The following SEC63 variants were observed in gnomAD, a reference collection of about 807,000 sequenced individuals.
The protein encoded by SEC63 is SEC63 protein translocation regulator, also known as translocation protein SEC63 homolog.
In SEC63, 56 loss-of-function variants were observed where a neutral mutation model predicts 116.2. The ratio of observed to expected loss-of-function variants is 0.48; its 90% confidence interval spans 0.39 to 0.60. The LOEUF is 0.60. SEC63 is among the 20% of genes least tolerant of loss of function. The pLI is 0.00. For missense variants in SEC63, 668 were observed against 900.0 expected, an observed-to-expected ratio of 0.74 and a Z score of 3.30; for synonymous variants, 273 against 294.6, an observed-to-expected ratio of 0.93 and a Z score of 0.75.
rs769938865 is a variant in SEC63, at chr6:107,870,478, G to C, written c.*1226C>G. 1 of 152,486 alleles carries C rather than the reference G, an allele frequency of 6.6e-6. No homozygotes were observed. Among genetic ancestry groups the C allele is most frequent in the Non-Finnish European group, 1.5e-5 (1 of 68,014 alleles). 9.4% of individuals were successfully genotyped at this position (152,486 alleles called of 1,614,324 possible). On this transcript the variant is annotated 3_prime_UTR_variant, in exon 21 of 21. Coordinates refer to ENST00000369002, the MANE Select transcript of SEC63 (RefSeq NM_007214.5). Reference sequence around the variant, plus strand: ...TGATAGGAAAGAATTATTACAATCAGTTTTATAATACTACAGACTTATGTT... The same window carrying C: ...TGATAGGAAAGAATTATTACAATCACTTTTATAATACTACAGACTTATGTT...
chr6:107,919,401 T>A (rs571500219), intron 4 of SEC63, among the ~76,000 whole-genome samples: 8 of 152,370 alleles, frequency 5.3e-5, no homozygotes, highest in African/African-American at 1.9e-4. Context: ...AAGTAGCTTC[T>A]TAAGATGGTA....
intron 1 of SEC63, among the ~76,000 whole-genome samples, chr6:107,936,475 A>G (rs185266908): frequency 6.6e-6 from 1 of 152,326 alleles, no homozygotes; most frequent in Admixed American, 6.5e-5. Flanking sequence ...TCACTTATAA[A>G]CTTCTTGCTT....
rs1479640940 is a variant in SEC63 at position 107,871,714 on chromosome 6, T to G, written c.2273A>C (p.Asp758Ala). 1 of 1,612,554 alleles carries G rather than the reference T, an allele frequency of 6.2e-7. No individual in the cohort carries two copies. Among genetic ancestry groups the G allele is most frequent in the Non-Finnish European group, 8.5e-7 (1 of 1,179,670 alleles). ...CATTCAGAGTACTGCTTAGTCATCA[T>G]CTTCTTCTTCCTCCTCTTCTTCCTC... ...SFEEEEEEEE[D>A]DD The change falls in exon 21 of 21, where the codon GAT becomes GCT. Residue 758 changes from aspartate (D) to alanine (A), a missense_variant. Asp to Ala is a moderately radical substitution (Grantham distance 126). Around this residue, in one of 5 missense-constraint regions of SEC63, gnomAD observed 85 missense variants for 116.3 expected, o/e 0.73. Transcript: ENST00000369002.
chr6:107,927,335 G>T (rs978180534), intron 2 of SEC63, among the ~76,000 whole-genome samples: 1 of 152,124 alleles, frequency 6.6e-6, no homozygotes, highest in Non-Finnish European at 1.5e-5. Context: ...CAAAGTGCTC[G>T]GATTACAGGC....
chr6:107,910,152 C>T (rs1055894862), intron 7 of SEC63, among the ~76,000 whole-genome samples: 2 of 152,094 alleles, frequency 1.3e-5, no homozygotes, highest in African/African-American at 4.8e-5. Context: ...TGCGGGAAGA[C>T]TTTCATTTGA....
At chr6:107,942,534 C>T (rs931254411) in intron 1 of SEC63, among the ~76,000 whole-genome samples, 1 of 152,006 alleles carries the variant, frequency 6.6e-6, no homozygotes, top group South Asian at 2.1e-4. Context: ...AGAAAAAAAA[C>T]AAAACAAAAA....
chr6:107,921,210 C>A (rs576773009), intron 4 of SEC63, among the ~76,000 whole-genome samples: 38 of 151,856 alleles, frequency 2.5e-4, no homozygotes, highest in African/African-American at 8.9e-4. Context: ...AAAAAAAAAT[C>A]TAGAAATGGT....
Position 107,876,675 on chromosome 6 carries a change from A to AC in SEC63, c.1936-14_1936-13insG. 1 of 1,430,862 alleles carries AC rather than the reference A, an allele frequency of 7.0e-7. No individual in the cohort carries two copies. The highest frequency in any genetic ancestry group is 9.6e-7 in the Non-Finnish European group (1 of 1,041,986). 88.6% of individuals were successfully genotyped at this position (1,430,862 alleles called of 1,614,324 possible). On this transcript the variant is annotated splice_polypyrimidine_tract_variant and intron_variant, in intron 18 of 20. Transcript: ENST00000369002. ...ATTCTTGTTTTTCCTGGAAACAAAA[A>AC]AAAAAAAAAAAAAAGAAGAGGGGTA...
intron 2 of SEC63, among the ~76,000 whole-genome samples, chr6:107,925,383 T>C (rs1427552122): frequency 6.6e-6 from 1 of 152,208 alleles, no homozygotes; most frequent in East Asian, 1.9e-4. Flanking sequence ...AGTAAAACTT[T>C]GGAAACAACC....
rs536554088 is a variant in SEC63 at position 107,871,539 on chromosome 6, C to G, written c.*165G>C. 89 of 714,984 alleles carry G rather than the reference C, an allele frequency of 1.2e-4. No individual in the cohort carries two copies. The South Asian group carries it at 1.4e-3, about 11-fold the overall frequency. 44.3% of individuals were successfully genotyped at this position (714,984 alleles called of 1,614,324 possible). On this transcript the variant is annotated 3_prime_UTR_variant, in exon 21 of 21. Coordinates refer to ENST00000369002, the MANE Select transcript of SEC63 (RefSeq NM_007214.5). ...AAGCCTTAACATTTTTCAGGTTGTA[C>G]CAAGGCACCGCCACTGCCTAGTTAT...
At chr6:107,876,735 T>G in intron 18 of SEC63, 73 bp from the exon 19 acceptor site, 6 of 1,037,152 alleles carry the variant, frequency 5.8e-6, no homozygotes, top group Non-Finnish European at 7.3e-6. Context: ...GAATATAATT[T>G]TGGCCTCTCT....
intron 14 of SEC63, among the ~76,000 whole-genome samples, chr6:107,896,335 A>T (rs945899936): frequency 6.6e-6 from 1 of 151,794 alleles, no homozygotes; most frequent in African/African-American, 2.4e-5. Flanking sequence ...GTGGTGGCAC[A>T]TGCCTGTAAT....
At chr6:107,950,372 C>G (rs1223653158) in intron 1 of SEC63, among the ~76,000 whole-genome samples, 1 of 151,338 alleles carries the variant, frequency 6.6e-6, no homozygotes, top group East Asian at 2.0e-4. Context: ...ATGGATAGAA[C>G]AACCAAAAAG....
intron 1 of SEC63, among the ~76,000 whole-genome samples, chr6:107,955,785 CTG>C (rs1332730221): frequency 6.6e-6 from 1 of 152,078 alleles, no homozygotes; most frequent in East Asian, 1.9e-4. Flanking sequence ...ACTGGGGAAG[CTG>C]TGGCAGAACT....
chr6:107,912,080 C>T (rs1274870015), intron 6 of SEC63, among the ~76,000 whole-genome samples: 1 of 152,158 alleles, frequency 6.6e-6, no homozygotes, highest in Non-Finnish European at 1.5e-5. Context: ...AACTTAATAG[C>T]CATTTTCAAA....
chr6:107,947,940 C>T (rs1770509177), intron 1 of SEC63, among the ~76,000 whole-genome samples: 1 of 152,186 alleles, frequency 6.6e-6, no homozygotes, highest in African/African-American at 2.4e-5. Context: ...TTAAAACCTC[C>T]ATTGTTTACC....
intron 16 of SEC63, among the ~76,000 whole-genome samples, chr6:107,887,723 A>G (rs1475281319): frequency 6.6e-6 from 1 of 152,234 alleles, no homozygotes; most frequent in African/African-American, 2.4e-5. Context: ...CAATGTGCAC[A>G]TGTACCCTAA....
intron 4 of SEC63, 112 bp downstream of exon 4, chr6:107,921,685 C>A: frequency 1.3e-6 from 1 of 763,924 alleles, no homozygotes; most frequent in Admixed American, 1.8e-5. Flanking sequence ...CTCCTGGGCT[C>A]AAGCGATCCT....
intron 1 of SEC63, among the ~76,000 whole-genome samples, chr6:107,935,214 G>A (rs907404539): frequency 1.3e-5 from 2 of 151,732 alleles, no homozygotes; most frequent in African/African-American, 4.8e-5. Context: ...TGGGAGATGA[G>A]GGGCGCCTCT....
Sources: gnomAD v4.1 joint callset for allele counts (sites outside exome capture counted in the v4.1 genomes callset) on GRCh38, gnomAD v4.1.1 for gene constraint, gnomAD v4.1.1 regional missense constraint, MANE v1.5 for transcripts, NCBI Gene and HGNC (gene_info 2026-07-23, HGNC 2026-07-21) for gene names.